The following EXOC6B variants were observed in gnomAD, a reference collection of about 807,000 sequenced individuals.
The protein encoded by EXOC6B is exocyst complex component 6B, also known as SEC15 homolog B.
A neutral mutation model predicts 113.5 loss-of-function variants in EXOC6B; 54 were observed. The ratio of observed to expected loss-of-function variants is 0.48; its 90% CI spans 0.38 to 0.60. The LOEUF (loss-of-function observed/expected upper bound fraction) is 0.60. EXOC6B is among the 20% of genes least tolerant of loss of function. The pLI, the probability that EXOC6B is intolerant of heterozygous loss-of-function variation, is 0.00. For synonymous variants in EXOC6B, 357 were observed against 339.0 expected, an observed-to-expected ratio of 1.05 and a Z score of -0.58; for missense variants, 797 against 977.5, an observed-to-expected ratio of 0.82 and a Z score of 2.46.
At chr2:72,700,704 C>A (rs747934860) in intron 6 of EXOC6B, among the ~76,000 whole-genome samples, 8 of 152,216 alleles carry the variant, frequency 5.3e-5, no homozygotes, top group Non-Finnish European at 1.5e-5. Context: ...TGGCTCACAC[C>A]TGTAATGCCA....
intron 1 of EXOC6B, among the ~76,000 whole-genome samples, chr2:72,816,430 A>C (rs1041749243): frequency 6.6e-6 from 1 of 152,224 alleles, no homozygotes; most frequent in Admixed American, 6.5e-5. Flanking sequence ...ATACAATAAC[A>C]CTATTTATTT....
intron 20 of EXOC6B, among the ~76,000 whole-genome samples, chr2:72,265,269 A>AT (rs200149910): frequency 1.4e-5 from 2 of 146,234 alleles, no homozygotes; most frequent in Admixed American, 6.9e-5. Context: ...TATTATTATT[A>AT]TACTTTAAGT....
chr2:72,628,165 C>T (rs975992479), intron 6 of EXOC6B, among the ~76,000 whole-genome samples: 4 of 151,558 alleles, frequency 2.6e-5, no homozygotes, highest in Admixed American at 6.6e-5. Context: ...TGCTCTGTCC[C>T]CCAGGCTGGA....
chr2:72,534,635 C>G (rs1392208597), intron 8 of EXOC6B, among the ~76,000 whole-genome samples: 1 of 151,968 alleles, frequency 6.6e-6, no homozygotes, highest in African/African-American at 2.4e-5. Flanking sequence ...TTCGTCATAC[C>G]TAGTATGTAC....
chr2:72,589,098 C>T (rs956117968), intron 6 of EXOC6B, among the ~76,000 whole-genome samples: 6 of 151,034 alleles, frequency 4.0e-5, no homozygotes, highest in East Asian at 1.9e-4. Context: ...GTTCTAAATG[C>T]GACTATTTGT....
At chr2:72,532,764 C>T (rs1235664284) in intron 8 of EXOC6B, among the ~76,000 whole-genome samples, 5 of 151,904 alleles carry the variant, frequency 3.3e-5, no homozygotes, top group East Asian at 1.9e-4. Context: ...GCCGATATTG[C>T]GCCACTGTGC....
At chr2:72,731,441 T>C (rs951083255) in intron 3 of EXOC6B, among the ~76,000 whole-genome samples, 196 bp from the exon 4 acceptor site, 1 of 152,102 alleles carries the variant, frequency 6.6e-6, no homozygotes, top group Non-Finnish European at 1.5e-5. Flanking sequence ...CTCCCCAAGA[T>C]ACATACAATA....
At chr2:72,371,012 T>C (rs1054407114) in intron 19 of EXOC6B, among the ~76,000 whole-genome samples, 2 of 150,386 alleles carry the variant, frequency 1.3e-5, no homozygotes, top group Non-Finnish European at 3.0e-5. Context: ...AATATATATA[T>C]ATAAAAGATG....
chr2:72,436,204 T>G (rs1315919498), intron 18 of EXOC6B, among the ~76,000 whole-genome samples: 1 of 152,234 alleles, frequency 6.6e-6, no homozygotes, highest in African/African-American at 2.4e-5. Context: ...ATTCTTTTCT[T>G]TAAAAATGTT....
intron 20 of EXOC6B, among the ~76,000 whole-genome samples, chr2:72,325,474 T>C (rs547425006): frequency 6.6e-6 from 1 of 151,936 alleles, no homozygotes; most frequent in South Asian, 2.1e-4. Context: ...ACTGTACTTC[T>C]TTCTTTCATT....
chr2:72,736,053 T>A (rs1047263468), intron 2 of EXOC6B, among the ~76,000 whole-genome samples: 1 of 151,748 alleles, frequency 6.6e-6, no homozygotes, highest in Non-Finnish European at 1.5e-5. Context: ...CGTAGTGGCA[T>A]GCACCTGTAG....
chr2:72,461,125 G>A (rs936784449), intron 18 of EXOC6B, among the ~76,000 whole-genome samples: 18 of 147,222 alleles, frequency 1.2e-4, no homozygotes, highest in African/African-American at 3.5e-4. Context: ...ACCAAACACC[G>A]CATGTTCTCA....
chr2:72,438,050 T>C (rs1027086287), intron 18 of EXOC6B, among the ~76,000 whole-genome samples: 2 of 152,150 alleles, frequency 1.3e-5, no homozygotes, highest in Non-Finnish European at 2.9e-5. Flanking sequence ...TGAGTACACA[T>C]TAGGTACTCA....
At chr2:72,329,682 T>C (rs1039186857) in intron 20 of EXOC6B, among the ~76,000 whole-genome samples, 1 of 152,052 alleles carries the variant, frequency 6.6e-6, no homozygotes. Context: ...AAGAGGATCA[T>C]GACAGGATGA....
chr2:72,494,469 C>T (rs1359975747), intron 15 of EXOC6B, among the ~76,000 whole-genome samples: 1 of 151,956 alleles, frequency 6.6e-6, no homozygotes, highest in Admixed American at 6.6e-5. Flanking sequence ...ATTGTACAAA[C>T]CCCATGTTTC....
At chr2:72,330,581 T>A (rs1688365382) in intron 20 of EXOC6B, among the ~76,000 whole-genome samples, 1 of 152,120 alleles carries the variant, frequency 6.6e-6, no homozygotes, top group African/African-American at 2.4e-5. Context: ...CTCTTCACCT[T>A]TTCCATGAAA....
At chr2:72,717,898 T>C (rs1312041395) in intron 6 of EXOC6B, among the ~76,000 whole-genome samples, 2 of 152,238 alleles carry the variant, frequency 1.3e-5, no homozygotes, top group Admixed American at 6.5e-5. Flanking sequence ...CAATATTTAC[T>C]GAACATCTAC....
intron 6 of EXOC6B, among the ~76,000 whole-genome samples, chr2:72,635,740 A>G (rs1672770960): frequency 6.6e-6 from 1 of 152,242 alleles, no homozygotes; most frequent in Non-Finnish European, 1.5e-5. Context: ...AGACAAAGAC[A>G]GTACTAAAAT....
intron 20 of EXOC6B, among the ~76,000 whole-genome samples, chr2:72,262,480 C>A (rs561362701): frequency 6.6e-6 from 1 of 152,048 alleles, no homozygotes; most frequent in Non-Finnish European, 1.5e-5. Context: ...ACAGCCATAC[C>A]ACCCTGAATG....
Sources: allele counts gnomAD v4.1 joint callset (sites outside exome capture counted in the v4.1 genomes callset), GRCh38; gene constraint gnomAD v4.1.1; transcripts MANE v1.5; gene names NCBI Gene and HGNC (gene_info 2026-07-23, HGNC 2026-07-21).